ABCB11: variants seen among roughly 807,000 people sequenced by gnomAD.
ABCB11 encodes bile salt export pump.
Under a neutral mutation model 148.0 loss-of-function variants are expected in ABCB11, and 95 were observed. That is an observed-to-expected ratio of 0.64 (90% CI 0.54 to 0.76). The LOEUF (loss-of-function observed/expected upper bound fraction) is 0.76. ABCB11 is among the 30% of genes least tolerant of loss of function. ABCB11 has a pLI of 0.00. For missense variants in ABCB11, 1,523 were observed against 1,617.8 expected (o/e 0.94, Z 1.01); for synonymous variants, 591 against 555.4 (o/e 1.06, Z -0.90).
rs1164845690 is a variant in ABCB11, at chr2:168,979,915, A to G, written c.1148T>C (p.Phe383Ser). 1 of 1,611,886 alleles carries G rather than the reference A, an allele frequency of 6.2e-7. No homozygotes were observed. The highest frequency in any genetic ancestry group is 1.7e-4 in the Middle Eastern group (1 of 6,056). ...GGTGGCTGCTGCACGTCCAGTTGCA[A>G]AGGCTTCCAAACAAGGAGAGGCATT... is the stretch of plus-strand genomic sequence containing the variant. ...LGNASPCLEA[F>S]ATGRAAATSI... The change falls in exon 11 of 28, where the codon TTT becomes TCT. Residue 383 changes from phenylalanine to serine, a missense_variant. Physicochemically the swap from Phe to Ser is radical, Grantham distance 155. Coordinates refer to ENST00000650372, the MANE Select transcript of ABCB11 (RefSeq NM_003742.4).
At position 168,993,824 on chromosome 2, in the gene ABCB11, T is replaced by A. The variant is rs1313329342; in HGVS notation, c.670A>T (p.Met224Leu). Residue 224 changes from methionine (M) to leucine (L), a missense_variant, in exon 8 of 28, where the codon ATG becomes TTG. Transcript: ENST00000650372. ...ADQMALFIQR[M>L]TSTICGFLLG... ...AGGAAACCACAGATGGTCGAGGTCA[T>A]GCGCTGAATGAAAAGGGCCATTTGG... The A allele has an allele frequency of 4.3e-6, 7 of 1,611,590 alleles. No homozygotes were observed. Among genetic ancestry groups the A allele is most frequent in the Non-Finnish European group, 5.9e-6 (7 of 1,178,702 alleles).
chr2:168,971,483 A>C (rs1445031556), intron 14 of ABCB11, among the ~76,000 whole-genome samples: 3 of 152,062 alleles, frequency 2.0e-5, no homozygotes, highest in Admixed American at 6.6e-5. Context: ...TTATTGTGCA[A>C]GTTATTGCCA....
chr2:168,934,227 C>T (rs375020244), intron 23 of ABCB11, among the ~76,000 whole-genome samples: 2 of 152,096 alleles, frequency 1.3e-5, no homozygotes, highest in African/African-American at 4.8e-5. Flanking sequence ...AGAAAAGAGA[C>T]ACTTTCCTAG....
chr2:168,988,771 C>T (rs1024762539), intron 9 of ABCB11, among the ~76,000 whole-genome samples: 2 of 152,118 alleles, frequency 1.3e-5, no homozygotes, highest in African/African-American at 4.8e-5. Flanking sequence ...TGCTTGCCAA[C>T]ACTTGATATC....
intron 19 of ABCB11, among the ~76,000 whole-genome samples, chr2:168,952,217 T>C (rs1692597896): frequency 6.6e-6 from 1 of 151,746 alleles, no homozygotes; most frequent in African/African-American, 2.4e-5. Flanking sequence ...AGTCTGGTTT[T>C]GGTATCAGGT....
chr2:169,019,561 C>T (rs1695478149), intron 1 of ABCB11, among the ~76,000 whole-genome samples: 1 of 152,176 alleles, frequency 6.6e-6, no homozygotes, highest in Admixed American at 6.5e-5. Context: ...ATTGGCTCTA[C>T]ATATCCACTG....
chr2:168,969,130 A>G lies in ABCB11; in HGVS notation c.2011+220T>C, dbSNP rs979073869. Reference sequence around the variant, plus strand: ...TTGCGCAGGGTTAAAAAAAAAAAAAAAGGGGGGGATGGAATTGAAAGTTAG... The same window carrying G: ...TTGCGCAGGGTTAAAAAAAAAAAAAGAGGGGGGGATGGAATTGAAAGTTAG... On this transcript the variant is annotated intron_variant, in intron 16 of 27. Coordinates refer to ENST00000650372, the MANE Select transcript of ABCB11 (RefSeq NM_003742.4). 1.3e-4 allele frequency among the ~76,000 whole-genome samples: 19 copies of G among 148,278 alleles called. No individual in the cohort carries two copies. In the East Asian group the frequency reaches 3.2e-3, roughly 25 times the overall value.
chr2:169,016,791 CATT>C lies in ABCB11; in HGVS notation c.82_84del (p.Asn28del), dbSNP rs770362057. 26 of 1,592,766 alleles carry C rather than the reference CATT, an allele frequency of 1.6e-5. No individual in the cohort carries two copies. The highest frequency in any genetic ancestry group is 2.2e-5 in the Non-Finnish European group (26 of 1,168,192). ...TCAGTCACTTACCTTGATTTCTTAT[CATT>C]ATTATCTGTCAGAAAAAAAAATCAA... On this transcript the variant is annotated inframe_deletion, in exon 3 of 28. Transcript: ENST00000650372.
chr2:168,927,473 T>G (rs1409849822), intron 25 of ABCB11, 111 bp from the exon 26 acceptor site: 1 of 856,842 alleles, frequency 1.2e-6, no homozygotes, highest in Non-Finnish European at 1.8e-6. Context: ...CTTAACAGAC[T>G]AACAATCCCA....
At chr2:168,969,214 G>T in intron 16 of ABCB11, 136 bp downstream of exon 16, 3 of 764,228 alleles carry the variant, frequency 3.9e-6, no homozygotes, top group Non-Finnish European at 6.2e-6. Flanking sequence ...AGCTTCAGTT[G>T]TTTCCTTTAC....
intron 5 of ABCB11, among the ~76,000 whole-genome samples, chr2:169,003,832 C>T (rs942647986): frequency 1.3e-5 from 2 of 152,132 alleles, no homozygotes; most frequent in East Asian, 3.9e-4. Context: ...ATTTGCATTT[C>T]CCTGATTTGC....
chr2:168,920,650 A>G (rs1559170929), downstream of ABCB11, among the ~76,000 whole-genome samples: 3 of 152,178 alleles, frequency 2.0e-5, no homozygotes, highest in African/African-American at 7.2e-5. Flanking sequence ...GACTTGCAAT[A>G]AGTTTAAACA....
At chr2:168,950,932 C>G (rs1692533170) in intron 19 of ABCB11, among the ~76,000 whole-genome samples, 1 of 151,542 alleles carries the variant, frequency 6.6e-6, no homozygotes, top group Non-Finnish European at 1.5e-5. Context: ...GGTGTTCTAT[C>G]TATCTTGTGT....
intron 21 of ABCB11, among the ~76,000 whole-genome samples, chr2:168,939,935 CGT>C (rs1691990674): frequency 2.0e-5 from 3 of 151,956 alleles, no homozygotes; most frequent in Non-Finnish European, 4.4e-5. Flanking sequence ...TTATTGCCAT[CGT>C]TTTAGAGCAC....
At chr2:168,987,993 G>A (rs1694382322) in intron 9 of ABCB11, among the ~76,000 whole-genome samples, 1 of 151,988 alleles carries the variant, frequency 6.6e-6, no homozygotes. Flanking sequence ...CTTATATTGT[G>A]TGTGTGTGTG....
intron 5 of ABCB11, among the ~76,000 whole-genome samples, chr2:169,000,617 CT>C (rs1404582409): frequency 6.6e-6 from 1 of 152,126 alleles, no homozygotes; most frequent in East Asian, 1.9e-4. Context: ...GTTCTCCATT[CT>C]GTTCCATTGG....
chr2:168,999,315 A>G (rs538058054), intron 5 of ABCB11, among the ~76,000 whole-genome samples: 43 of 151,070 alleles, frequency 2.8e-4, no homozygotes, highest in Admixed American at 2.6e-4. Context: ...TTGTCATTCA[A>G]TTTACACATC....
In ABCB11 at chr2:168,944,674, A is replaced by C; in HGVS notation, c.2541T>G (p.Phe847Leu). Reference protein sequence around the residue: ...RAMLGQDIAWFDDLRNSPGAL... With the variant: ...RAMLGQDIAWLDDLRNSPGAL... ...CTCCAGGGCTATTTCTGAGGTCATC[A>C]AACCAGGCAATATCTTGCCCCAGCA... Residue 847 changes from phenylalanine to leucine, a missense_variant, in exon 21 of 28, where the codon TTT (phenylalanine) becomes TTG (leucine). By Grantham distance (22) the Phe-to-Leu change is conservative. Transcript: ENST00000650372. The C allele has an allele frequency of 1.9e-6, 3 of 1,612,892 alleles. No individual in the cohort carries two copies. The highest frequency in any genetic ancestry group is 2.5e-6 in the Non-Finnish European group (3 of 1,179,230).
chr2:168,990,957 AAGTC>A, intron 8 of ABCB11, 32 bp from the exon 9 acceptor site: 1 of 1,607,182 alleles, frequency 6.2e-7, no homozygotes, highest in Non-Finnish European at 8.5e-7. Context: ...AGAAAATGTG[AAGTC>A]CAAGAAATTA....
Sources: gnomAD v4.1 joint callset for allele counts (sites outside exome capture counted in the v4.1 genomes callset) on GRCh38, gnomAD v4.1.1 for gene constraint, MANE v1.5 for transcripts, NCBI Gene and HGNC (gene_info 2026-07-23, HGNC 2026-07-21) for gene names.